RLN2: variants seen among roughly 807,000 people sequenced by gnomAD.
RLN2 encodes the protein relaxin 2, also known as prorelaxin H2.
RLN2 carries 10 observed loss-of-function variants against 7.3 expected under a neutral mutation model. The observed-to-expected ratio is 1.36, with a 90% CI of 0.84 to 2.31. The LOEUF (loss-of-function observed/expected upper bound fraction) is 2.31. Ranked by LOEUF, RLN2 falls within the 30% of genes most tolerant of loss-of-function variation. The probability of loss-of-function intolerance (pLI) is 0.00; values close to 1 mark genes in which losing one functional copy is unlikely to be tolerated. For missense variants in RLN2, 298 were observed against 217.6 expected, an observed-to-expected ratio of 1.37 and a Z score of -2.32; for synonymous variants, 103 against 82.3, an observed-to-expected ratio of 1.25 and a Z score of -1.36.
the RLN2 span, chr9:5,311,586 C>G: frequency 2.3e-6 from 2 of 880,300 alleles, no homozygotes; most frequent in Admixed American, 1.7e-5. Flanking sequence ...CATGCAAAGA[C>G]AGGAGAGAAG....
chr9:5,317,994 A>ATGTGTGTGTGCG, the RLN2 span, among the ~76,000 whole-genome samples: 29 of 64,746 alleles, frequency 4.5e-4, no homozygotes, highest in South Asian at 4.4e-4. Flanking sequence ...TAACAAAACT[A>ATGTGTGTGTGCG]TGTGTGTGTG....
rs148848383 is a variant in RLN2, at chr9:5,300,322, G to C, written c.334C>G (p.Leu112Val). Residue 112 changes from leucine to valine, a missense_variant, in exon 2 of 2, where the codon CTA becomes GTA. Leu to Val is a conservative substitution (Grantham distance 32, BLOSUM62 1). Coordinates refer to ENST00000381627, the MANE Select transcript of RLN2 (RefSeq NM_134441.3). ...TTTAATACAGGTACATGTTGTTGTA[G>C]CTGTGGTAATGCTGGCTGCATCTCA... ...LSEMQPALPQ[L>V]QQHVPVLKDS... 8 of 1,613,378 alleles carry C rather than the reference G, an allele frequency of 5.0e-6. No individual in the cohort carries two copies. The African/African-American group carries it at 6.7e-5, about 13-fold the overall frequency.
the RLN2 span, among the ~76,000 whole-genome samples, chr9:5,314,059 G>A: frequency 5.3e-5 from 8 of 152,058 alleles, no homozygotes; most frequent in Non-Finnish European, 1.2e-4. Flanking sequence ...GACCCCTGCA[G>A]TTCTCACAGG....
At chr9:5,321,428 C>G in the RLN2 span, among the ~76,000 whole-genome samples, 46 of 152,174 alleles carry the variant, frequency 3.0e-4, no homozygotes, top group South Asian at 2.5e-3. Flanking sequence ...TAATGTTCAT[C>G]ATAGCACTTA....
the RLN2 span, among the ~76,000 whole-genome samples, chr9:5,322,952 C>T: frequency 2.6e-5 from 4 of 151,672 alleles, no homozygotes; most frequent in South Asian, 2.1e-4. Context: ...AAAAGCACTT[C>T]GCCTCCCCAT....
At chr9:5,336,814 G>A in the RLN2 span, among the ~76,000 whole-genome samples, 13 of 151,850 alleles carry the variant, frequency 8.6e-5, 1 homozygote, top group East Asian at 9.7e-4. Flanking sequence ...ATCTAAGTGC[G>A]GGAGGCAGAC....
Position 5,300,045 on chromosome 9 carries a change from G to A in RLN2, c.*53C>T. 1 of 1,146,274 alleles carries A rather than the reference G, an allele frequency of 8.7e-7. No individual in the cohort carries two copies. The highest frequency in any genetic ancestry group is 1.3e-6 in the Non-Finnish European group (1 of 798,228). The allele number at this position is 1,146,274 out of a possible 1,614,324, so 71.0% of individuals were successfully genotyped here. On this transcript the variant is annotated 3_prime_UTR_variant, in exon 2 of 2. Coordinates refer to ENST00000381627, the MANE Select transcript of RLN2 (RefSeq NM_134441.3). ...GACCTGATAGAAGCATCAGTGAAAT[G>A]TCATTAAGAATATGTGTGAATATTA...
the RLN2 span, chr9:5,335,534 G>C: frequency 6.2e-7 from 1 of 1,612,958 alleles, no homozygotes; most frequent in Non-Finnish European, 8.5e-7. Context: ...TGGCAAATTA[G>C]CAATGAATTC....
the RLN2 span, among the ~76,000 whole-genome samples, chr9:5,336,989 AAAAACAAAAC>A: frequency 8.2e-4 from 124 of 152,108 alleles, 2 homozygotes; most frequent in Non-Finnish European, 1.1e-3. Context: ...CAGAGCAATA[AAAAACAAAAC>A]AAAACAAAAC....
chr9:5,311,803 A>G, the RLN2 span: 19 of 694,842 alleles, frequency 2.7e-5, no homozygotes, highest in Non-Finnish European at 4.2e-5. Context: ...AAAAATGCAG[A>G]ATTTTTTTTT....
the RLN2 span, among the ~76,000 whole-genome samples, chr9:5,329,064 G>T: frequency 6.6e-6 from 1 of 151,936 alleles, no homozygotes; most frequent in South Asian, 2.1e-4. Flanking sequence ...AACACTTTGG[G>T]AGGCCGAGGC....
the RLN2 span, among the ~76,000 whole-genome samples, chr9:5,328,356 T>A: frequency 2.0e-5 from 3 of 151,592 alleles, no homozygotes; most frequent in African/African-American, 7.3e-5. Context: ...AAGACAAGAT[T>A]AGAGAAAAAA....
In RLN2 at chr9:5,300,346, C is replaced by T; in HGVS notation, c.310G>A (p.Glu104Lys). 6.2e-7 allele frequency: 1 copy of T among 1,613,918 alleles called. No individual in the cohort carries two copies. The highest frequency in any genetic ancestry group is 8.5e-7 in the Non-Finnish European group (1 of 1,179,870). ...AGCTGTGGTAATGCTGGCTGCATCT[C>T]AGACAGGGTTAACTTCAGCTCCTGT... Reference protein sequence around the residue: ...LPQELKLTLSEMQPALPQLQQ... With the variant: ...LPQELKLTLSKMQPALPQLQQ... Residue 104 changes from glutamate to lysine, a missense_variant, in exon 2 of 2, where the codon GAG becomes AAG. Glu to Lys is a moderately conservative substitution (Grantham distance 56, BLOSUM62 1). Coordinates refer to ENST00000381627, the MANE Select transcript of RLN2 (RefSeq NM_134441.3).
the RLN2 span, among the ~76,000 whole-genome samples, chr9:5,316,895 T>C: frequency 6.6e-6 from 1 of 152,050 alleles, no homozygotes; most frequent in African/African-American, 2.4e-5. Flanking sequence ...GCTGAACTAA[T>C]TTAGAAATAC....
At chr9:5,326,634 C>T in the RLN2 span, among the ~76,000 whole-genome samples, 22 of 152,094 alleles carry the variant, frequency 1.4e-4, no homozygotes, top group East Asian at 3.7e-3. Flanking sequence ...ACAGAGAATG[C>T]CCAGGTCTCC....
chr9:5,335,185 G>C, the RLN2 span: 3 of 895,518 alleles, frequency 3.4e-6, no homozygotes, highest in Non-Finnish European at 5.1e-6. Context: ...CCTGACAGAA[G>C]CATCAGTGAA....
upstream of RLN2, among the ~76,000 whole-genome samples, chr9:5,308,983 T>C (rs1409154190): frequency 6.6e-6 from 1 of 152,110 alleles, no homozygotes; most frequent in Non-Finnish European, 1.5e-5. Flanking sequence ...TGGCCCTGCA[T>C]GGCATTTAGT....
At chr9:5,320,329 C>G in the RLN2 span, among the ~76,000 whole-genome samples, 802 of 151,882 alleles carry the variant, frequency 5.3e-3, 13 homozygotes, top group African/African-American at 0.018. Flanking sequence ...GAAAGAATCT[C>G]TCCAGTGAAT....
chr9:5,314,092 TC>T, the RLN2 span, among the ~76,000 whole-genome samples: 1 of 151,990 alleles, frequency 6.6e-6, no homozygotes, highest in South Asian at 2.1e-4. Context: ...CTGAGGGAAC[TC>T]CCTGGAATCC....
Sources: gnomAD v4.1 joint callset for allele counts (sites outside exome capture counted in the v4.1 genomes callset) on GRCh38, gnomAD v4.1.1 for gene constraint, MANE v1.5 for transcripts, NCBI Gene and HGNC (gene_info 2026-07-23, HGNC 2026-07-21) for gene names.